Variants in MATCAP2 observed in about 807,000 individuals in gnomAD.
MATCAP2 encodes putative tyrosine carboxypeptidase MATCAP2.
chr7:36,366,105 C>G, the MATCAP2 span, among the ~76,000 whole-genome samples: 1 of 152,106 alleles, frequency 6.6e-6, no homozygotes, highest in Non-Finnish European at 1.5e-5. Context: ...TGTAAAATTC[C>G]GGCTTTATTT....
chr7:36,389,854 CA>C, the MATCAP2 span: 2 of 1,216,690 alleles, frequency 1.6e-6, no homozygotes, highest in Non-Finnish European at 2.3e-6. Context: ...TGAACGGCTG[CA>C]GAGGCCGAGT....
the MATCAP2 span, among the ~76,000 whole-genome samples, chr7:36,375,276 T>G: frequency 6.6e-6 from 1 of 152,358 alleles, no homozygotes; most frequent in South Asian, 2.1e-4. Flanking sequence ...TGATTTGCAT[T>G]TCTCTGATGA....
chr7:36,332,185 C>T, the MATCAP2 span, among the ~76,000 whole-genome samples: 4 of 151,780 alleles, frequency 2.6e-5, no homozygotes, highest in African/African-American at 7.3e-5. Flanking sequence ...TGAGCCTCCA[C>T]GGGGTGGGTA....
At chr7:36,383,748 C>T in the MATCAP2 span, 5 of 627,468 alleles carry the variant, frequency 8.0e-6, no homozygotes, top group African/African-American at 1.9e-5. Flanking sequence ...ACCACCATGG[C>T]ACGTGTATGC....
chr7:36,384,698 C>T, the MATCAP2 span, among the ~76,000 whole-genome samples: 16 of 152,158 alleles, frequency 1.1e-4, no homozygotes, highest in African/African-American at 3.9e-4. Context: ...TCAAAGAAGT[C>T]TTCTTTCAGG....
the MATCAP2 span, among the ~76,000 whole-genome samples, chr7:36,329,620 A>G: frequency 6.6e-6 from 1 of 152,364 alleles, no homozygotes; most frequent in East Asian, 1.9e-4. Context: ...AGTAAGTCCA[A>G]TTAAGTCCAT....
chr7:36,381,422 T>C, the MATCAP2 span, among the ~76,000 whole-genome samples: 1 of 151,864 alleles, frequency 6.6e-6, no homozygotes, highest in African/African-American at 2.4e-5. Flanking sequence ...TGTAATCCCA[T>C]CACTTTGGGA....
chr7:36,371,145 G>T, the MATCAP2 span, among the ~76,000 whole-genome samples: 1 of 152,040 alleles, frequency 6.6e-6, no homozygotes, highest in African/African-American at 2.4e-5. Flanking sequence ...TCACTCTGTT[G>T]CCCAGGTTGG....
chr7:36,333,836 T>C, the MATCAP2 span: 2 of 1,553,032 alleles, frequency 1.3e-6, no homozygotes, highest in East Asian at 4.5e-5. Flanking sequence ...TCAGAAAACC[T>C]AGAGTTAAGG....
the MATCAP2 span, among the ~76,000 whole-genome samples, chr7:36,329,064 A>T: frequency 6.6e-6 from 1 of 152,120 alleles, no homozygotes; most frequent in African/African-American, 2.4e-5. Context: ...ATAAATAAAT[A>T]AAATTAAAGA....
the MATCAP2 span, chr7:36,324,278 T>C: frequency 3.9e-5 from 6 of 152,178 alleles, no homozygotes; most frequent in South Asian, 6.2e-4. Context: ...TGCCCAAAGA[T>C]ATACAAAACA....
chr7:36,326,078 A>C, the MATCAP2 span: 1 of 152,256 alleles, frequency 6.6e-6, no homozygotes, highest in East Asian at 1.9e-4. Flanking sequence ...TCTGTAAAAA[A>C]TTTAAAAGGG....
At chr7:36,347,110 T>C in the MATCAP2 span, among the ~76,000 whole-genome samples, 1 of 152,190 alleles carries the variant, frequency 6.6e-6, no homozygotes, top group African/African-American at 2.4e-5. Flanking sequence ...GCAGGAGAAC[T>C]GCATACTTTA....
At chr7:36,390,099 C>A in the MATCAP2 span, 8 of 1,611,766 alleles carry the variant, frequency 5.0e-6, no homozygotes, top group Non-Finnish European at 6.8e-6. Context: ...GGCCCCCACC[C>A]ACCTTCCTCT....
At chr7:36,379,847 CAG>C in the MATCAP2 span, among the ~76,000 whole-genome samples, 3,649 of 107,150 alleles carry the variant, frequency 0.034, 58 homozygotes, top group African/African-American at 0.046. Context: ...CACACACACA[CAG>C]AGAGAGAGAG....
At chr7:36,371,049 A>G in the MATCAP2 span, among the ~76,000 whole-genome samples, 1 of 152,184 alleles carries the variant, frequency 6.6e-6, no homozygotes, top group Non-Finnish European at 1.5e-5. Flanking sequence ...TGATAGAAAT[A>G]TTGTTATTTT....
chr7:36,332,011 G>A, the MATCAP2 span, among the ~76,000 whole-genome samples: 3 of 152,072 alleles, frequency 2.0e-5, no homozygotes, highest in South Asian at 4.1e-4. Context: ...AAGAATAGAC[G>A]AACCACAGTT....
At chr7:36,336,397 T>G in the MATCAP2 span, 46 of 967,940 alleles carry the variant, frequency 4.8e-5, no homozygotes, top group Middle Eastern at 3.1e-4. Context: ...CTAGGTTTAT[T>G]GATTTCCAAA....
chr7:36,324,565 T>G, the MATCAP2 span: 2 of 152,218 alleles, frequency 1.3e-5, no homozygotes, highest in Non-Finnish European at 2.9e-5. Flanking sequence ...AATTTTCTGT[T>G]TATTAAAACT....
Sources: allele counts gnomAD v4.1 joint callset (sites outside exome capture counted in the v4.1 genomes callset), GRCh38; gene constraint gnomAD v4.1.1; transcripts MANE v1.5; gene names NCBI Gene and HGNC (gene_info 2026-07-23, HGNC 2026-07-21).